Variants in MYL11 observed in about 807,000 individuals in gnomAD.
MYL11 encodes myosin light chain 11, also known as myosin regulatory light chain 11.
chr16:30,374,193 A>G, the MYL11 span, among the ~76,000 whole-genome samples: 4 of 151,482 alleles, frequency 2.6e-5, no homozygotes, highest in Non-Finnish European at 4.4e-5. Context: ...TGGCACACCT[A>G]TAATCCCAGC....
At chr16:30,377,876 C>G in the MYL11 span, 1 of 1,613,178 alleles carries the variant, frequency 6.2e-7, no homozygotes, top group Non-Finnish European at 8.5e-7. Context: ...TCATCACGCA[C>G]GGCGACGCCA....
chr16:30,373,797 T>A, the MYL11 span, among the ~76,000 whole-genome samples: 4 of 149,300 alleles, frequency 2.7e-5, no homozygotes, highest in East Asian at 7.8e-4. Context: ...GAAAAAAAAA[T>A]TCCCCTCTCC....
the MYL11 span, chr16:30,372,227 G>C: frequency 6.6e-6 from 1 of 152,566 alleles, no homozygotes; most frequent in Non-Finnish European, 1.5e-5. Flanking sequence ...AGGCGAGGCA[G>C]CTGCTGTCTG....
chr16:30,376,376 G>A, the MYL11 span: 36 of 1,577,538 alleles, frequency 2.3e-5, no homozygotes, highest in Middle Eastern at 5.0e-4. Flanking sequence ...GCGCAGGCCC[G>A]GCCCCAGGAG....
At chr16:30,377,776 G>A in the MYL11 span, 11 of 1,611,382 alleles carry the variant, frequency 6.8e-6, no homozygotes, top group South Asian at 1.2e-4. Context: ...TGTGCGAGAC[G>A]CCCCTACGTC....
At chr16:30,375,178 G>C in the MYL11 span, among the ~76,000 whole-genome samples, 1 of 152,176 alleles carries the variant, frequency 6.6e-6, no homozygotes, top group Non-Finnish European at 1.5e-5. Context: ...AGAAAGTAGA[G>C]GCTCAGGCCA....
chr16:30,371,012 A>C, the MYL11 span: 4 of 152,404 alleles, frequency 2.6e-5, no homozygotes, highest in Non-Finnish European at 5.9e-5. Context: ...ATGGTCAGTA[A>C]GGAATGACAG....
the MYL11 span, chr16:30,374,838 GCCC>G: frequency 6.2e-7 from 1 of 1,613,318 alleles, no homozygotes; most frequent in East Asian, 2.2e-5. Flanking sequence ...CCGCTGCCTT[GCCC>G]CCCGGAGACT....
At chr16:30,375,388 C>G in the MYL11 span, among the ~76,000 whole-genome samples, 13 of 151,694 alleles carry the variant, frequency 8.6e-5, no homozygotes, top group Non-Finnish European at 1.9e-4. Context: ...TCGCTTGAAC[C>G]CGGGAGGCAG....
the MYL11 span, chr16:30,376,814 C>T: frequency 9.6e-7 from 1 of 1,044,396 alleles, no homozygotes; most frequent in Non-Finnish European, 1.4e-6. Context: ...GGCCTATAAT[C>T]CCAGTGCTTT....
At chr16:30,373,654 C>G in the MYL11 span, among the ~76,000 whole-genome samples, 1 of 150,766 alleles carries the variant, frequency 6.6e-6, no homozygotes, top group East Asian at 1.9e-4. Context: ...CCCAGCTACT[C>G]AGGAGGCTGA....
chr16:30,374,791 T>C, the MYL11 span: 1 of 1,595,482 alleles, frequency 6.3e-7, no homozygotes, highest in Non-Finnish European at 8.5e-7. Context: ...CCAGAGGGAC[T>C]GCCCCATGCT....
the MYL11 span, chr16:30,377,778 C>T: frequency 1.9e-6 from 3 of 1,613,476 alleles, no homozygotes; most frequent in Non-Finnish European, 2.5e-6. Context: ...TGCGAGACGC[C>T]CCTACGTCTT....
the MYL11 span, chr16:30,375,731 A>C: frequency 9.2e-7 from 1 of 1,085,352 alleles, no homozygotes; most frequent in Non-Finnish European, 1.4e-6. Context: ...AGGAACAGGG[A>C]CTCGAAGAAT....
At chr16:30,374,824 G>T in the MYL11 span, 46 of 1,612,476 alleles carry the variant, frequency 2.9e-5, no homozygotes, top group Non-Finnish European at 1.2e-5. Context: ...CTTTCCAGCC[G>T]GAGCCGCTGC....
the MYL11 span, among the ~76,000 whole-genome samples, chr16:30,377,160 C>A: frequency 6.6e-6 from 1 of 151,932 alleles, no homozygotes; most frequent in Non-Finnish European, 1.5e-5. Flanking sequence ...TTGCAGTGAG[C>A]CAAGATCACG....
At chr16:30,376,809 A>G in the MYL11 span, 1 of 1,081,532 alleles carries the variant, frequency 9.2e-7, no homozygotes, top group South Asian at 1.4e-5. Context: ...GCTCAGGCCT[A>G]TAATCCCAGT....
At chr16:30,374,547 T>C in the MYL11 span, among the ~76,000 whole-genome samples, 7 of 152,332 alleles carry the variant, frequency 4.6e-5, no homozygotes, top group Middle Eastern at 3.4e-3. Context: ...CTCTAAACTC[T>C]GGCACATTCC....
the MYL11 span, among the ~76,000 whole-genome samples, chr16:30,374,283 C>G: frequency 6.6e-6 from 1 of 151,358 alleles, no homozygotes; most frequent in African/African-American, 2.4e-5. Context: ...ACTACTGGCA[C>G]TCTAGCCTGG....
Sources: allele counts gnomAD v4.1 joint callset (sites outside exome capture counted in the v4.1 genomes callset), GRCh38; gene constraint gnomAD v4.1.1; transcripts MANE v1.5; gene names NCBI Gene and HGNC (gene_info 2026-07-23, HGNC 2026-07-21).